Variants in NDUFA10 observed in about 807,000 individuals in gnomAD.
NDUFA10 encodes NADH dehydrogenase [ubiquinone] 1 alpha subcomplex subunit 10, mitochondrial.
Under a neutral mutation model 47.8 loss-of-function variants are expected in NDUFA10, and 40 were observed. The observed-to-expected ratio is 0.84, with a 90% confidence interval of 0.65 to 1.09. The LOEUF (loss-of-function observed/expected upper bound fraction) is 1.09. Ranked by LOEUF, NDUFA10 falls within the 50% of genes least tolerant of loss-of-function variation. The pLI, the probability that NDUFA10 is intolerant of heterozygous loss-of-function variation, is 0.00. For synonymous variants in NDUFA10, 183 were observed against 172.2 expected (o/e 1.06, Z -0.49); for missense variants, 413 against 451.1 (o/e 0.92, Z 0.76).
chr2:239,995,875 CAAG>C (rs1228069447), intron 8 of NDUFA10, among the ~76,000 whole-genome samples: 3 of 152,190 alleles, frequency 2.0e-5, no homozygotes, highest in African/African-American at 7.2e-5. Flanking sequence ...GCCAATTCTT[CAAG>C]AAGATAATAA....
chr2:239,943,810 C>T (rs1190215597), intron 4 of NDUFA10, among the ~76,000 whole-genome samples: 1 of 152,182 alleles, frequency 6.6e-6, no homozygotes, highest in Admixed American at 6.5e-5. Flanking sequence ...TGGATGCTCC[C>T]TGCAGCCCCT....
At chr2:240,015,059 T>C (rs1697291771) in intron 4 of NDUFA10, among the ~76,000 whole-genome samples, 199 bp from the exon 5 acceptor site, 1 of 152,260 alleles carries the variant, frequency 6.6e-6, no homozygotes. Context: ...CCACGGGGCA[T>C]GTGCAGACAG....
At position 239,928,523 on chromosome 2, in the gene NDUFA10, C is replaced by A. The variant is rs1694102889; in HGVS notation, c.295-33209G>T. 6.6e-6 allele frequency among the ~76,000 whole-genome samples: 1 copy of A among 152,218 alleles called. No individual in the cohort carries two copies. Among genetic ancestry groups the A allele is most frequent in the Admixed American group, 6.5e-5 (1 of 15,290 alleles). ...CTCCTCGGCCCTGGCCCACCGCGAG[C>A]CGCTGCTGGGTTTAATGCAGTTCCT... On this transcript the variant is annotated intron_variant, in intron 4 of 5. Coordinates refer to the NDUFA10 transcript ENST00000419408. This position sits in a 1 kb window ranked among gnomAD's most constrained non-coding sequence, Gnocchi z 4.3.
Position 239,984,212 on chromosome 2 carries a change from G to A in NDUFA10, c.999+5862C>T, listed in dbSNP as rs1482292950. 6.7e-5 allele frequency among the ~76,000 whole-genome samples: 10 copies of A among 148,680 alleles called. No homozygotes were observed. The East Asian group carries it at 1.6e-3, about 24-fold the overall frequency. On this transcript the variant is annotated intron_variant, in intron 9 of 9. Coordinates refer to ENST00000252711, the MANE Select transcript of NDUFA10 (RefSeq NM_004544.4). ...CATGCCATTGCACTCCAGCCTGGGC[G>A]ATAGAGTGACAATCGGTTTCCAAAA...
rs1219409722 is a variant in NDUFA10 at position 239,959,279 on chromosome 2, C to T, written c.*1839G>A. On this transcript the variant is annotated 3_prime_UTR_variant, in exon 10 of 10. Transcript: ENST00000252711. The stretch of plus-strand genomic sequence containing the variant: ...CATGGTTGGAGAGCTCTGCCCCTCA[C>T]AAGGGCAATCCTGACCACAGGGCAG... 1 of 985,358 alleles carries T rather than the reference C, an allele frequency of 1.0e-6. No homozygotes were observed. The highest frequency in any genetic ancestry group is 1.2e-6 in the Non-Finnish European group (1 of 829,960). The allele number at this position is 985,358 out of a possible 1,614,324, so 61.0% of individuals were successfully genotyped here.
At chr2:240,014,199 G>A (rs569168564) in intron 5 of NDUFA10, 47 of 168,414 alleles carry the variant, frequency 2.8e-4, no homozygotes, top group Non-Finnish European at 4.9e-4. Context: ...TTCAAAAGGC[G>A]TTGCTTCGAG....
intron 4 of NDUFA10, among the ~76,000 whole-genome samples, chr2:239,907,809 C>G (rs1406931670): frequency 1.1e-4 from 16 of 152,158 alleles, no homozygotes; most frequent in African/African-American, 3.9e-4. Flanking sequence ...GGAGTGTAAA[C>G]TAGTTCAACC....
rs925172532 is a variant in NDUFA10 at position 239,951,407 on chromosome 2, T to C, written c.294+38667A>G. Reference sequence around the variant, plus strand: ...AAGGTGGTTGAGATTGGGAAGAAAGTGGGGCCAGGGTCTAACGAGGCCGTT... The same window carrying C: ...AAGGTGGTTGAGATTGGGAAGAAAGCGGGGCCAGGGTCTAACGAGGCCGTT... On this transcript the variant is annotated intron_variant, in intron 4 of 5. Coordinates refer to the NDUFA10 transcript ENST00000419408. 4.6e-5 allele frequency among the ~76,000 whole-genome samples: 7 copies of C among 152,110 alleles called. No homozygotes were observed. The South Asian group carries it at 8.3e-4, about 18-fold the overall frequency.
chr2:239,906,858 C>T lies in NDUFA10; in HGVS notation c.295-11544G>A, dbSNP rs1314075607. On this transcript the variant is annotated intron_variant, in intron 4 of 5. Coordinates refer to the NDUFA10 transcript ENST00000419408. This position sits in a 1 kb window ranked among gnomAD's most constrained non-coding sequence, Gnocchi z 4.3. ...ACAAGGTAATTTATAGATTCAATGC[C>T]ATCCCCACCAAGCTACCAATGACTT... Among the ~76,000 whole-genome samples, 3 of 152,130 alleles carry T rather than the reference C, an allele frequency of 2.0e-5. No homozygotes were observed. The highest frequency in any genetic ancestry group is 4.8e-5 in the African/African-American group (2 of 41,430).
chr2:239,964,504 G>A (rs1020812596), intron 9 of NDUFA10, among the ~76,000 whole-genome samples: 1 of 152,196 alleles, frequency 6.6e-6, no homozygotes, highest in Non-Finnish European at 1.5e-5. Flanking sequence ...GGCAGCAGCA[G>A]CAGCAGACGA....
intron 9 of NDUFA10, among the ~76,000 whole-genome samples, chr2:239,972,291 C>A (rs1459449039): frequency 6.6e-6 from 1 of 151,886 alleles, no homozygotes; most frequent in Non-Finnish European, 1.5e-5. Flanking sequence ...AACAAAAAAA[C>A]GATTGAGTGA....
In NDUFA10 at chr2:239,951,162, C is replaced by T. The variant is rs143151775; in HGVS notation, c.294+38912G>A. Among the ~76,000 whole-genome samples the T allele has an allele frequency of 3.5e-3, 533 of 152,334 alleles. 1 individual carries two copies. Among genetic ancestry groups the T allele is most frequent in the African/African-American group, 0.012 (503 of 41,582 alleles). ...GGGCTCTGGGGCCCTTTCCAGCAAACATCTGACCACAAGACATCAGAAGGA... is the reference window on the plus strand; with the variant it reads ...GGGCTCTGGGGCCCTTTCCAGCAAATATCTGACCACAAGACATCAGAAGGA... On this transcript the variant is annotated intron_variant, in intron 4 of 5. Transcript: ENST00000419408.
At chr2:239,972,309 T>C (rs1695336546) in intron 9 of NDUFA10, among the ~76,000 whole-genome samples, 1 of 152,262 alleles carries the variant, frequency 6.6e-6, no homozygotes, top group Non-Finnish European at 1.5e-5. Flanking sequence ...TGAGGGCCTG[T>C]GTACCGGGTG....
In NDUFA10 at chr2:239,960,982, T is replaced by C; in HGVS notation, c.*136A>G. The C allele has an allele frequency of 6.5e-7, 1 of 1,542,494 alleles. No homozygotes were observed. Among genetic ancestry groups the C allele is most frequent in the Non-Finnish European group, 8.7e-7 (1 of 1,143,734 alleles). Reference sequence around the variant, plus strand: ...ATACTACAGGATGGATTGCTTTTTGTGAGACCCCTTCTTCCACTGTGCAAT... The same window carrying C: ...ATACTACAGGATGGATTGCTTTTTGCGAGACCCCTTCTTCCACTGTGCAAT... On this transcript the variant is annotated 3_prime_UTR_variant, in exon 10 of 10. Transcript: ENST00000252711.
chr2:239,940,774 C>A (rs1374773889), intron 4 of NDUFA10, among the ~76,000 whole-genome samples: 1 of 152,196 alleles, frequency 6.6e-6, no homozygotes, highest in African/African-American at 2.4e-5. Flanking sequence ...GCAAACCGGG[C>A]TCTCTCCTGG....
intron 9 of NDUFA10, among the ~76,000 whole-genome samples, chr2:239,964,833 A>C (rs1201759887): frequency 6.6e-6 from 1 of 152,220 alleles, no homozygotes; most frequent in Non-Finnish European, 1.5e-5. Flanking sequence ...CTAAAGGACC[A>C]ACTGCAGAAT....
At chr2:239,980,450 C>T (rs1292239616) in intron 9 of NDUFA10, among the ~76,000 whole-genome samples, 1 of 152,152 alleles carries the variant, frequency 6.6e-6, no homozygotes. Context: ...TCTGTGCCTT[C>T]GGGGTTGGGG....
At chr2:239,950,302 C>G (rs1694529759) in intron 4 of NDUFA10, among the ~76,000 whole-genome samples, 1 of 152,120 alleles carries the variant, frequency 6.6e-6, no homozygotes, top group Admixed American at 6.5e-5. Context: ...ATCCCTCAGG[C>G]CCCCGAGTCC....
At chr2:239,915,820 A>G (rs938846123) in intron 4 of NDUFA10, among the ~76,000 whole-genome samples, 1 of 151,256 alleles carries the variant, frequency 6.6e-6, no homozygotes, top group African/African-American at 2.4e-5. Context: ...ACACACAGAG[A>G]TACACAAACA....
Sources: gnomAD v4.1 joint callset for allele counts (sites outside exome capture counted in the v4.1 genomes callset) on GRCh38, gnomAD v4.1.1 for gene constraint, Gnocchi (gnomAD v3.1) non-coding constraint, MANE v1.5 for transcripts, NCBI Gene and HGNC (gene_info 2026-07-23, HGNC 2026-07-21) for gene names.